The following MARCHF3 variants were observed in gnomAD, a reference collection of about 807,000 sequenced individuals.
MARCHF3 encodes the protein E3 ubiquitin-protein ligase MARCHF3.
A neutral mutation model predicts 24.2 loss-of-function variants in MARCHF3; 13 were observed. The observed-to-expected ratio is 0.54, with a 90% CI of 0.35 to 0.85. MARCHF3 has a LOEUF of 0.85. Ranked by LOEUF, MARCHF3 falls within the 40% of genes least tolerant of loss-of-function variation. MARCHF3 has a pLI of 0.01. For missense variants in MARCHF3, 276 were observed against 325.0 expected (o/e 0.85, Z 1.16); for synonymous variants, 144 against 137.3 (o/e 1.05, Z -0.34).
intron 1 of MARCHF3, among the ~76,000 whole-genome samples, chr5:126,973,099 C>T (rs900437785): frequency 3.9e-5 from 6 of 152,216 alleles, no homozygotes; most frequent in African/African-American, 1.4e-4. Context: ...AGACCTAATT[C>T]CATGTCACCA....
chr5:126,921,504 T>C lies in MARCHF3; in HGVS notation c.-56-3277A>G, dbSNP rs146477235. 2.7e-3 allele frequency among the ~76,000 whole-genome samples: 405 copies of C among 152,324 alleles called. 2 individuals carry two copies. Among genetic ancestry groups the C allele is most frequent in the Non-Finnish European group, 2.3e-3 (155 of 68,024 alleles). On this transcript the variant is annotated intron_variant, in intron 1 of 4. Transcript: ENST00000308660. ...TGACAAATGGCCCACTGCATTTTCC[T>C]TGTCTAGTTCAAAGCCACCTGGGAA...
intron 1 of MARCHF3, among the ~76,000 whole-genome samples, chr5:126,978,523 GAAGAT>G (rs1201107372): frequency 3.9e-5 from 6 of 152,192 alleles, no homozygotes; most frequent in African/African-American, 1.4e-4. Flanking sequence ...TCACAGGAGA[GAAGAT>G]AAGATGTCAG....
In MARCHF3 at chr5:126,893,957, T is replaced by A. The variant is rs1404177409; in HGVS notation, c.394-15563A>T. 4.6e-5 allele frequency among the ~76,000 whole-genome samples: 5 copies of A among 109,688 alleles called. No homozygotes were observed. In the East Asian group the frequency reaches 7.5e-4, roughly 16 times the overall value. 72.0% of individuals were successfully genotyped at this position (109,688 alleles called of 152,430 possible). A position where few individuals can be genotyped will look rare whatever the true frequency, so the allele number is the denominator to read the frequency against. On this transcript the variant is annotated intron_variant, in intron 3 of 4. Transcript: ENST00000308660. ...TTTGTAGGTCACTCAGGACTTGCTT[T>A]ATGAATCTGGGTGCTCCTGTATTGG...
intron 1 of MARCHF3, among the ~76,000 whole-genome samples, chr5:126,942,383 A>C (rs1253306370): frequency 6.6e-6 from 1 of 152,220 alleles, no homozygotes; most frequent in East Asian, 1.9e-4. Context: ...TATTTTAATA[A>C]AACTTAAATT....
intron 1 of MARCHF3, among the ~76,000 whole-genome samples, chr5:127,012,365 C>A (rs949926518): frequency 6.6e-6 from 1 of 152,066 alleles, no homozygotes. Flanking sequence ...TGTGAAAATG[C>A]CACATTATGT....
chr5:126,906,055 C>A (rs1274277863), intron 3 of MARCHF3, among the ~76,000 whole-genome samples: 1 of 151,296 alleles, frequency 6.6e-6, no homozygotes, highest in Non-Finnish European at 1.5e-5. Context: ...AAGGCCTTTT[C>A]TGCATCTATT....
In MARCHF3 at chr5:126,874,685, C is replaced by T. The variant is rs1348432236; in HGVS notation, c.603+3500G>A. On this transcript the variant is annotated intron_variant, in intron 4 of 4. Transcript: ENST00000308660. ...TGGAAGTGGTGTGACTTAGGGATAT[C>T]GATGGGACTAGGCCTTGGCAAACGG... Among the ~76,000 whole-genome samples the T allele has an allele frequency of 2.0e-5, 3 of 152,090 alleles. No individual in the cohort carries two copies. The East Asian group carries it at 5.8e-4, about 29-fold the overall frequency.
intron 1 of MARCHF3, among the ~76,000 whole-genome samples, chr5:126,957,800 T>G (rs973178122): frequency 6.6e-6 from 1 of 152,162 alleles, no homozygotes; most frequent in Non-Finnish European, 1.5e-5. Flanking sequence ...TCCTTCCTGA[T>G]ATTTTTAAAA....
chr5:126,927,270 T>G (rs1749327133), intron 1 of MARCHF3, among the ~76,000 whole-genome samples: 1 of 152,196 alleles, frequency 6.6e-6, no homozygotes, highest in Admixed American at 6.5e-5. Context: ...GAGATCACTT[T>G]ATCACTTGCT....
chr5:127,021,258 A>G (rs562310387), intron 1 of MARCHF3, among the ~76,000 whole-genome samples: 1 of 152,280 alleles, frequency 6.6e-6, no homozygotes, highest in Non-Finnish European at 1.5e-5. Context: ...TGCTTGGGGA[A>G]CTGAGGTGGG....
At chr5:126,992,086 G>C (rs942317602) in intron 1 of MARCHF3, among the ~76,000 whole-genome samples, 1 of 152,068 alleles carries the variant, frequency 6.6e-6, no homozygotes, top group African/African-American at 2.4e-5. Context: ...GTGAACAGTC[G>C]CCCCAGGATA....
intron 1 of MARCHF3, among the ~76,000 whole-genome samples, chr5:127,006,193 G>C (rs917343158): frequency 7.0e-6 from 1 of 143,274 alleles, no homozygotes; most frequent in Non-Finnish European, 1.5e-5. Context: ...ACACAGTGAG[G>C]CTCTGTCAAA....
At chr5:126,980,522 C>T (rs1010791411) in intron 1 of MARCHF3, among the ~76,000 whole-genome samples, 2 of 152,076 alleles carry the variant, frequency 1.3e-5, no homozygotes, top group Non-Finnish European at 2.9e-5. Context: ...AGGTGCGCAC[C>T]ACCAGGCTCG....
chr5:126,962,657 A>G (rs1191790765), intron 1 of MARCHF3, among the ~76,000 whole-genome samples: 2 of 152,124 alleles, frequency 1.3e-5, no homozygotes, highest in Non-Finnish European at 2.9e-5. Context: ...GGCTATGTGT[A>G]TAAAGTGTAT....
At chr5:126,940,441 T>C (rs921655722) in intron 1 of MARCHF3, among the ~76,000 whole-genome samples, 1 of 152,172 alleles carries the variant, frequency 6.6e-6, no homozygotes, top group African/African-American at 2.4e-5. Context: ...TATATGTTTT[T>C]AATTTTTTTT....
At chr5:126,917,919 T>C (rs1395878408) in intron 2 of MARCHF3, 65 bp downstream of exon 2, 1 of 1,532,404 alleles carries the variant, frequency 6.5e-7, no homozygotes, top group Non-Finnish European at 8.9e-7. Context: ...CCCATTAGCA[T>C]TTTCCATCTG....
chr5:127,025,919 G>A (rs1752980845), intron 1 of MARCHF3, among the ~76,000 whole-genome samples: 1 of 152,148 alleles, frequency 6.6e-6, no homozygotes, highest in African/African-American at 2.4e-5. Context: ...CATTTCGGAG[G>A]AGAAATGGTA....
intron 1 of MARCHF3, among the ~76,000 whole-genome samples, chr5:126,955,675 G>C (rs1471124625): frequency 6.6e-6 from 1 of 152,050 alleles, no homozygotes; most frequent in African/African-American, 2.4e-5. Context: ...TTTTTATACT[G>C]ATTTGTAAGG....
chr5:126,957,812 C>A (rs1252647219), intron 1 of MARCHF3, among the ~76,000 whole-genome samples: 2 of 152,086 alleles, frequency 1.3e-5, no homozygotes, highest in Non-Finnish European at 2.9e-5. Context: ...TTTTTAAAAT[C>A]ATCATCTAAA....
Sources: gnomAD v4.1 joint callset for allele counts (sites outside exome capture counted in the v4.1 genomes callset) on GRCh38, gnomAD v4.1.1 for gene constraint, MANE v1.5 for transcripts, NCBI Gene and HGNC (gene_info 2026-07-23, HGNC 2026-07-21) for gene names.